The following PRDM16 variants were observed in gnomAD, a reference collection of about 807,000 sequenced individuals.
The protein encoded by PRDM16 is histone-lysine N-methyltransferase PRDM16.
PRDM16 carries 23 observed loss-of-function variants against 110.6 expected under a neutral mutation model. The observed-to-expected ratio is 0.21, with a 90% CI of 0.15 to 0.29. The LOEUF is 0.29. Among genes scored for constraint, PRDM16 ranks in the 10% least tolerant of loss-of-function variants. PRDM16 has a pLI of 1.00. For missense variants in PRDM16, 1,615 were observed against 1,794.3 expected (o/e 0.90, Z 1.81); for synonymous variants, 799 against 781.8 (o/e 1.02, Z -0.37).
intron 3 of PRDM16, among the ~76,000 whole-genome samples, chr1:3,269,516 GGGA>G (rs1338672869): frequency 6.9e-6 from 1 of 145,410 alleles, no homozygotes; most frequent in Non-Finnish European, 1.5e-5. Flanking sequence ...GAGGACAGTT[GGGA>G]GGAGGACAGT....
At chr1:3,187,132 C>T (rs1472050858) in intron 2 of PRDM16, among the ~76,000 whole-genome samples, 1 of 152,212 alleles carries the variant, frequency 6.6e-6, no homozygotes, top group Non-Finnish European at 1.5e-5. Flanking sequence ...GGGAAGCACC[C>T]GGAGTGTCCT....
At chr1:3,098,881 C>T (rs1315348047) in intron 1 of PRDM16, among the ~76,000 whole-genome samples, 2 of 152,180 alleles carry the variant, frequency 1.3e-5, no homozygotes, top group Non-Finnish European at 2.9e-5. Context: ...AGGCTGTGTC[C>T]CAGCCATGGT....
intron 1 of PRDM16, among the ~76,000 whole-genome samples, chr1:3,084,621 G>C (rs544258262): frequency 4.7e-4 from 72 of 152,304 alleles, no homozygotes; most frequent in African/African-American, 1.6e-3. Context: ...CTTGAGCCAG[G>C]GAGGCACCGT....
intron 14 of PRDM16, 136 bp downstream of exon 14, chr1:3,426,361 C>A (rs1266364311): frequency 9.3e-6 from 6 of 647,934 alleles, no homozygotes; most frequent in Non-Finnish European, 1.5e-5. Context: ...GGCCTCACCA[C>A]AGAGGGTGAG....
rs1446931267 is a variant in PRDM16, at chr1:3,265,249, G to T, written c.438+21112G>T. ...TGCAACCATGGCTTGACAACAGCTT[G>T]TCCCTTACGGTTGGGACAGAAGCCT... is the stretch of plus-strand genomic sequence containing the variant. On this transcript the variant is annotated intron_variant, in intron 3 of 16. Coordinates refer to ENST00000270722, the MANE Select transcript of PRDM16 (RefSeq NM_022114.4). This position sits in a 1 kb window ranked among gnomAD's most constrained non-coding sequence, Gnocchi z 4.5. 6.6e-6 allele frequency among the ~76,000 whole-genome samples: 1 copy of T among 152,142 alleles called. No individual in the cohort carries two copies. The highest frequency in any genetic ancestry group is 2.4e-5 in the African/African-American group (1 of 41,428).
At chr1:3,142,396 G>A (rs1330919942) in intron 1 of PRDM16, among the ~76,000 whole-genome samples, 2 of 152,226 alleles carry the variant, frequency 1.3e-5, no homozygotes, top group Non-Finnish European at 2.9e-5. Flanking sequence ...CCAGAGACCT[G>A]AGCTGGGCCC....
chr1:3,405,697 C>T (rs367771660), intron 8 of PRDM16, 49 bp downstream of exon 8: 27 of 1,498,212 alleles, frequency 1.8e-5, no homozygotes, highest in South Asian at 2.7e-5. Context: ...GCGCGGATGC[C>T]GTGGCGGTCG....
At chr1:3,171,749 A>T (rs1395009700) in intron 1 of PRDM16, among the ~76,000 whole-genome samples, 1 of 151,918 alleles carries the variant, frequency 6.6e-6, no homozygotes, top group African/African-American at 2.4e-5. Context: ...GGACTCCAGA[A>T]CACCTAAGCA....
rs1332271774 is a variant in PRDM16, at chr1:3,437,977, C to A, written c.*4166C>A. ...TAAAGAATCCTCGCAGAATCACAGA[C>A]CTGTGCCGCCCGCCACCTTCTGCCA... is the stretch of plus-strand genomic sequence containing the variant. On this transcript the variant is annotated 3_prime_UTR_variant, in exon 17 of 17. Transcript: ENST00000270722. The A allele has an allele frequency of 2.3e-5, 5 of 220,290 alleles. No homozygotes were observed. Among genetic ancestry groups the A allele is most frequent in the Non-Finnish European group, 4.6e-5 (5 of 109,854 alleles). 13.6% of individuals were successfully genotyped at this position (220,290 alleles called of 1,614,324 possible). A position where few individuals can be genotyped will look rare whatever the true frequency, so the allele number is the denominator to read the frequency against.
rs367815405 is a variant in PRDM16 at position 3,321,937 on chromosome 1, ATGTT to A, written c.439-63212_439-63209del. On this transcript the variant is annotated intron_variant, in intron 3 of 16. Coordinates refer to ENST00000270722, the MANE Select transcript of PRDM16 (RefSeq NM_022114.4). ...GTGTAAAGGGCACACATATGCGTGT[ATGTT>A]TGGCATGCATGTATGTACATGAGAC... is the stretch of plus-strand genomic sequence containing the variant. Among the ~76,000 whole-genome samples the A allele has an allele frequency of 1.8e-3, 268 of 150,096 alleles. 2 individuals are homozygous for A. The highest frequency in any genetic ancestry group is 2.5e-3 in the Non-Finnish European group (170 of 67,574).
intron 3 of PRDM16, among the ~76,000 whole-genome samples, chr1:3,269,817 A>AAAGTCC (rs1428157554): frequency 0.089 from 9,268 of 104,572 alleles, 2,750 homozygotes; most frequent in African/African-American, 0.27. Context: ...CCAGAGAATG[A>AAAGTCC]CAGGGAGGAG....
intron 8 of PRDM16, among the ~76,000 whole-genome samples, chr1:3,408,546 A>C (rs139593785): frequency 8.5e-6 from 1 of 117,574 alleles, no homozygotes; most frequent in Non-Finnish European, 1.7e-5. Flanking sequence ...GTGTGGACAC[A>C]TGAGCTGGTG....
intron 3 of PRDM16, among the ~76,000 whole-genome samples, chr1:3,363,684 G>A (rs1251924306): frequency 6.6e-6 from 1 of 152,100 alleles, no homozygotes; most frequent in African/African-American, 2.4e-5. Flanking sequence ...GTGGCCGGGG[G>A]GCAGGTGCAC....
At chr1:3,082,910 C>G (rs1642063925) in intron 1 of PRDM16, among the ~76,000 whole-genome samples, 1 of 152,204 alleles carries the variant, frequency 6.6e-6, no homozygotes, top group Non-Finnish European at 1.5e-5. Context: ...GCTTTCCCCT[C>G]ATCTAGGACA....
intron 3 of PRDM16, among the ~76,000 whole-genome samples, chr1:3,327,304 G>A (rs963277584): frequency 6.6e-6 from 1 of 152,176 alleles, no homozygotes; most frequent in African/African-American, 2.4e-5. Flanking sequence ...CGGCACCACA[G>A]GCCGGCTGGA....
intron 3 of PRDM16, chr1:3,307,894 G>C (rs747024073): frequency 1.3e-5 from 2 of 152,196 alleles, no homozygotes; most frequent in Non-Finnish European, 2.9e-5. Context: ...CAGCCTGTGA[G>C]AGTTGGTAAA....
intron 12 of PRDM16, 36 bp downstream of exon 12, chr1:3,418,780 C>A (rs760050275): frequency 2.0e-6 from 3 of 1,510,718 alleles, no homozygotes; most frequent in Non-Finnish European, 1.8e-6. Flanking sequence ...GGGGCGGGGC[C>A]GCCTGCCTCC....
chr1:3,144,031 G>A (rs1008612745), intron 1 of PRDM16, among the ~76,000 whole-genome samples: 17 of 152,278 alleles, frequency 1.1e-4, no homozygotes, highest in African/African-American at 3.9e-4. Flanking sequence ...GCCTCTCGCC[G>A]CCCACTTCAT....
chr1:3,099,060 G>A (rs1019746352), intron 1 of PRDM16, among the ~76,000 whole-genome samples: 9 of 152,248 alleles, frequency 5.9e-5, no homozygotes, highest in Non-Finnish European at 1.2e-4. Context: ...GACCCAGAGC[G>A]GTGGGGGCCG....
Sources: allele counts gnomAD v4.1 joint callset (sites outside exome capture counted in the v4.1 genomes callset), GRCh38; gene constraint gnomAD v4.1.1; non-coding constraint Gnocchi (gnomAD v3.1); transcripts MANE v1.5; gene names NCBI Gene and HGNC (gene_info 2026-07-23, HGNC 2026-07-21).